Variants in ADAMTS6 observed in about 807,000 individuals in gnomAD.
ADAMTS6 encodes A disintegrin and metalloproteinase with thrombospondin motifs 6.
A neutral mutation model predicts 144.3 loss-of-function variants in ADAMTS6; 23 were observed. The ratio of observed to expected loss-of-function variants is 0.16; its 90% CI spans 0.11 to 0.23. The LOEUF (loss-of-function observed/expected upper bound fraction) is 0.23. ADAMTS6 is among the 10% of genes least tolerant of loss of function. The pLI is 1.00. For synonymous variants in ADAMTS6, 444 were observed against 457.5 expected (o/e 0.97, Z 0.38); for missense variants, 999 against 1,379.6 (o/e 0.72, Z 4.37).
intron 23 of ADAMTS6, among the ~76,000 whole-genome samples, chr5:65,171,186 T>A (rs570781023): frequency 1.3e-3 from 203 of 152,150 alleles, no homozygotes; most frequent in African/African-American, 4.6e-3. Context: ...ATTTTTTGTA[T>A]TTTTAGTAGA....
intron 7 of ADAMTS6, among the ~76,000 whole-genome samples, chr5:65,426,980 A>T (rs1264980185): frequency 6.6e-6 from 1 of 152,170 alleles, no homozygotes; most frequent in Non-Finnish European, 1.5e-5. Context: ...GAAACAGAAC[A>T]AACTTTACAG....
chr5:65,216,806 C>CACACACAT (rs1269511113), intron 18 of ADAMTS6, among the ~76,000 whole-genome samples: 3 of 151,860 alleles, frequency 2.0e-5, no homozygotes, highest in African/African-American at 7.3e-5. Flanking sequence ...CACACACACA[C>CACACACAT]ACACAGTTTA....
Position 65,273,342 on chromosome 5 carries a change from C to T in ADAMTS6, c.1618G>A (p.Gly540Arg). ...TLCQTGNIEK[G>R]WCYQGDCVPF... is the part of the protein sequence containing the mutation. ...AGGTAGTAAATCATTGAGCTTACCC[C>T]TTTTTCAATATTCCCAGTTTGACAC... Residue 540 changes from glycine (G) to arginine (R), a missense_variant and splice_region_variant, in exon 12 of 25, where the codon GGG becomes AGG. Transcript: ENST00000381055. 1.2e-6 allele frequency: 2 copies of T among 1,613,452 alleles called. No individual in the cohort carries two copies. The highest frequency in any genetic ancestry group is 1.7e-6 in the Non-Finnish European group (2 of 1,179,504).
At chr5:65,266,843 T>G (rs1580236852) in intron 12 of ADAMTS6, among the ~76,000 whole-genome samples, 1 of 151,920 alleles carries the variant, frequency 6.6e-6, no homozygotes, top group Admixed American at 6.6e-5. Flanking sequence ...TTATGGCTAC[T>G]TTTCTCCTTT....
chr5:65,358,743 CT>C (rs922875355), intron 7 of ADAMTS6, among the ~76,000 whole-genome samples: 2 of 152,030 alleles, frequency 1.3e-5, no homozygotes, highest in African/African-American at 2.4e-5. Flanking sequence ...CTAAATTGAT[CT>C]TTGACAAAGG....
At chr5:65,219,358 C>T (rs1020157669) in intron 18 of ADAMTS6, among the ~76,000 whole-genome samples, 4 of 152,026 alleles carry the variant, frequency 2.6e-5, no homozygotes, top group Admixed American at 2.0e-4. Context: ...ACCCCCAACC[C>T]CCCCACCAAA....
At chr5:65,160,851 C>T (rs1387914764) in intron 24 of ADAMTS6, among the ~76,000 whole-genome samples, 1 of 150,906 alleles carries the variant, frequency 6.6e-6, no homozygotes, top group Non-Finnish European at 1.5e-5. Context: ...AGGGTTTCTC[C>T]ATGTTGGTCA....
At chr5:65,324,081 T>C (rs958572917) in intron 9 of ADAMTS6, among the ~76,000 whole-genome samples, 1 of 152,202 alleles carries the variant, frequency 6.6e-6, no homozygotes, top group Non-Finnish European at 1.5e-5. Context: ...CTGTTCACTC[T>C]GATGGTAGTT....
chr5:65,253,134 C>T (rs10471310), intron 14 of ADAMTS6, among the ~76,000 whole-genome samples: 56,442 of 151,826 alleles, frequency 0.37, 10,755 homozygotes, highest in Admixed American at 0.46. Context: ...GCGATCCACC[C>T]GCCTCCGCCT....
At chr5:65,174,929 CA>C (rs1248088981) in intron 22 of ADAMTS6, among the ~76,000 whole-genome samples, 1 of 152,078 alleles carries the variant, frequency 6.6e-6, no homozygotes, top group Non-Finnish European at 1.5e-5. Context: ...GTTACTATGA[CA>C]CCAGGAAAAC....
chr5:65,213,463 G>A (rs188712900), intron 20 of ADAMTS6, among the ~76,000 whole-genome samples: 129 of 152,138 alleles, frequency 8.5e-4, no homozygotes, highest in African/African-American at 3.0e-3. Context: ...GCAACACAGT[G>A]AGATCCTGTC....
chr5:65,160,165 C>T (rs1321568691), intron 24 of ADAMTS6, among the ~76,000 whole-genome samples: 1 of 152,046 alleles, frequency 6.6e-6, no homozygotes, highest in Non-Finnish European at 1.5e-5. Context: ...CAAATCCTGC[C>T]CTGTCTTGGG....
At chr5:65,331,116 T>A (rs750251389) in intron 8 of ADAMTS6, among the ~76,000 whole-genome samples, 1 of 152,092 alleles carries the variant, frequency 6.6e-6, no homozygotes, top group Non-Finnish European at 1.5e-5. Flanking sequence ...TTTAAGTTAT[T>A]TGGTTCAATG....
chr5:65,163,437 G>A (rs186065221), intron 24 of ADAMTS6, among the ~76,000 whole-genome samples: 112 of 152,214 alleles, frequency 7.4e-4, no homozygotes, highest in Non-Finnish European at 1.3e-3. Context: ...AGTAAATTAT[G>A]TGTATAATAA....
intron 7 of ADAMTS6, among the ~76,000 whole-genome samples, chr5:65,387,888 G>A (rs1043503475): frequency 6.6e-6 from 1 of 152,180 alleles, no homozygotes; most frequent in Non-Finnish European, 1.5e-5. Context: ...TATAAGGTAT[G>A]AGACTAAAGT....
intron 1 of ADAMTS6, among the ~76,000 whole-genome samples, chr5:65,474,958 T>A (rs970543988): frequency 6.6e-6 from 1 of 152,116 alleles, no homozygotes; most frequent in African/African-American, 2.4e-5. Context: ...CATAACACTA[T>A]GCCTGAGTCC....
At chr5:65,361,577 G>A (rs1749824597) in intron 7 of ADAMTS6, among the ~76,000 whole-genome samples, 1 of 152,162 alleles carries the variant, frequency 6.6e-6, no homozygotes. Context: ...GGACTAGGAG[G>A]TGCCACCAAA....
At chr5:65,233,582 C>T (rs1758429078) in intron 15 of ADAMTS6, among the ~76,000 whole-genome samples, 1 of 151,740 alleles carries the variant, frequency 6.6e-6, no homozygotes, top group Non-Finnish European at 1.5e-5. Context: ...ATCTTATTTA[C>T]AATAGCCTAA....
At chr5:65,232,654 A>G (rs1758344632) in intron 15 of ADAMTS6, among the ~76,000 whole-genome samples, 1 of 151,954 alleles carries the variant, frequency 6.6e-6, no homozygotes, top group Admixed American at 6.6e-5. Flanking sequence ...GAACAAATAG[A>G]AAATCTGAAC....
Sources: allele counts gnomAD v4.1 joint callset (sites outside exome capture counted in the v4.1 genomes callset), GRCh38; gene constraint gnomAD v4.1.1; transcripts MANE v1.5; gene names NCBI Gene and HGNC (gene_info 2026-07-23, HGNC 2026-07-21).